DNM3: variants seen among roughly 807,000 people sequenced by gnomAD.
The protein encoded by DNM3 is dynamin-3.
A neutral mutation model predicts 101.6 loss-of-function variants in DNM3; 47 were observed. The ratio of observed to expected loss-of-function variants is 0.46; its 90% CI spans 0.37 to 0.59. The LOEUF (loss-of-function observed/expected upper bound fraction) is 0.59, where lower values mean the gene tolerates loss of function less well. Ranked by LOEUF, DNM3 falls within the 20% of genes least tolerant of loss-of-function variation. DNM3 has a pLI of 0.00. For missense variants in DNM3, 849 were observed against 1,085.7 expected (o/e 0.78, Z 3.06); for synonymous variants, 385 against 387.9 (o/e 0.99, Z 0.09).
At chr1:172,044,700 C>T (rs1395502904) in intron 9 of DNM3, among the ~76,000 whole-genome samples, 3 of 152,198 alleles carry the variant, frequency 2.0e-5, no homozygotes, top group South Asian at 4.1e-4. Context: ...ATAGGGGATT[C>T]GCAGATTAGC....
chr1:172,101,238 A>T (rs1189924506), intron 13 of DNM3, among the ~76,000 whole-genome samples: 1 of 152,232 alleles, frequency 6.6e-6, no homozygotes, highest in African/African-American at 2.4e-5. Flanking sequence ...TTTTAAAGGA[A>T]TATGAGATGG....
chr1:172,290,108 C>A (rs2063846558), intron 15 of DNM3: 2 of 611,484 alleles, frequency 3.3e-6, no homozygotes, highest in Non-Finnish European at 4.1e-6. Context: ...AGTCAGTCAA[C>A]AAATATTAAT....
At chr1:172,034,432 A>G (rs2125808659) in intron 6 of DNM3, among the ~76,000 whole-genome samples, 1 of 152,244 alleles carries the variant, frequency 6.6e-6, no homozygotes, top group East Asian at 1.9e-4. Flanking sequence ...AATAAACTGA[A>G]AAAATCTCAG....
chr1:171,867,680 C>A (rs773807354), intron 1 of DNM3, among the ~76,000 whole-genome samples: 5 of 152,306 alleles, frequency 3.3e-5, no homozygotes, highest in Middle Eastern at 3.4e-3. Context: ...TATTTATTAT[C>A]CACTTTGGAC....
chr1:172,148,373 A>G, intron 14 of DNM3, among the ~76,000 whole-genome samples: 1 of 151,450 alleles, frequency 6.6e-6, no homozygotes, highest in East Asian at 1.9e-4. Flanking sequence ...GCTATATGGT[A>G]TGCATGTGGT....
intron 14 of DNM3, among the ~76,000 whole-genome samples, chr1:172,214,152 C>A (rs654524): frequency 0.089 from 13,519 of 152,054 alleles, 1,985 homozygotes; most frequent in African/African-American, 0.31. Flanking sequence ...CTTCATTTGA[C>A]TTTGTGTTGT....
chr1:171,966,263 A>G (rs1488692610), intron 2 of DNM3, among the ~76,000 whole-genome samples: 2 of 152,174 alleles, frequency 1.3e-5, no homozygotes, highest in East Asian at 1.9e-4. Context: ...CACAGGCTTG[A>G]GCTTTCTCTG....
At chr1:172,053,181 C>T (rs1296729705) in intron 10 of DNM3, among the ~76,000 whole-genome samples, 1 of 152,084 alleles carries the variant, frequency 6.6e-6, no homozygotes, top group African/African-American at 2.4e-5. Context: ...ACTTCTCCAG[C>T]TATATCTTTG....
chr1:172,143,811 C>T (rs1422063297), intron 14 of DNM3, among the ~76,000 whole-genome samples: 1 of 152,052 alleles, frequency 6.6e-6, no homozygotes, highest in Non-Finnish European at 1.5e-5. Context: ...AGTTGTGGGT[C>T]GGTGCTCTTC....
chr1:172,166,165 A>G (rs1402630237), intron 14 of DNM3, among the ~76,000 whole-genome samples: 1 of 151,992 alleles, frequency 6.6e-6, no homozygotes, highest in Non-Finnish European at 1.5e-5. Flanking sequence ...GTCTTTTTTC[A>G]TTATATCCCC....
intron 1 of DNM3, among the ~76,000 whole-genome samples, chr1:171,885,071 C>A (rs557976634): frequency 6.6e-6 from 1 of 152,004 alleles, no homozygotes; most frequent in African/African-American, 2.4e-5. Flanking sequence ...TTATCTAGTC[C>A]GTTTAGCATC....
chr1:172,209,951 C>T (rs900991891), intron 14 of DNM3, among the ~76,000 whole-genome samples: 3 of 152,032 alleles, frequency 2.0e-5, no homozygotes, highest in Non-Finnish European at 4.4e-5. Context: ...TGATGCTTTT[C>T]CATTTTAATA....
chr1:172,006,639 C>T (rs1015483398), intron 4 of DNM3, among the ~76,000 whole-genome samples: 2 of 152,038 alleles, frequency 1.3e-5, no homozygotes, highest in African/African-American at 4.8e-5. Context: ...CTTCTTCTGT[C>T]TCTTTCAACT....
At chr1:172,229,041 G>A (rs1174088423) in intron 14 of DNM3, among the ~76,000 whole-genome samples, 1 of 152,014 alleles carries the variant, frequency 6.6e-6, no homozygotes, top group Admixed American at 6.6e-5. Flanking sequence ...TTATCTATAT[G>A]CTATTTCCAT....
chr1:172,168,787 G>T (rs1309005799), intron 14 of DNM3, among the ~76,000 whole-genome samples: 2 of 151,902 alleles, frequency 1.3e-5, no homozygotes, highest in Non-Finnish European at 2.9e-5. Flanking sequence ...TGCCTATAGA[G>T]TCCTGCTCTG....
intron 20 of DNM3, among the ~76,000 whole-genome samples, chr1:172,396,352 A>C (rs2069999139): frequency 1.3e-5 from 2 of 152,224 alleles, no homozygotes; most frequent in South Asian, 4.1e-4. Flanking sequence ...TAAAATTCCA[A>C]ATGTTCATAA....
intron 14 of DNM3, among the ~76,000 whole-genome samples, chr1:172,213,301 CT>C (rs1312159296): frequency 6.6e-6 from 1 of 152,002 alleles, no homozygotes; most frequent in Non-Finnish European, 1.5e-5. Flanking sequence ...GAAATGACTT[CT>C]TTGCAGAAAC....
intron 14 of DNM3, among the ~76,000 whole-genome samples, chr1:172,193,124 C>G (rs2059799014): frequency 6.6e-6 from 1 of 151,810 alleles, no homozygotes; most frequent in South Asian, 2.1e-4. Context: ...TCTCTGATGG[C>G]CAGTGATGAT....
chr1:172,403,010 A>C (rs2070616848), intron 20 of DNM3, among the ~76,000 whole-genome samples: 1 of 152,184 alleles, frequency 6.6e-6, no homozygotes, highest in African/African-American at 2.4e-5. Context: ...CCACATTAGA[A>C]ATGTTGGGTG....
Sources: gnomAD v4.1 joint callset for allele counts (sites outside exome capture counted in the v4.1 genomes callset) on GRCh38, gnomAD v4.1.1 for gene constraint, MANE v1.5 for transcripts, NCBI Gene and HGNC (gene_info 2026-07-23, HGNC 2026-07-21) for gene names.